Variants in TRAPPC9 observed in about 807,000 individuals in gnomAD.
TRAPPC9 encodes the protein trafficking protein particle complex subunit 9, also known as IKK2 binding protein.
In TRAPPC9, 83 loss-of-function variants were observed where a neutral mutation model predicts 124.0. The observed-to-expected ratio is 0.67, with a 90% CI of 0.56 to 0.80. The LOEUF is 0.80. Ranked by LOEUF, TRAPPC9 falls within the 30% of genes least tolerant of loss-of-function variation. TRAPPC9 has a pLI of 0.00. For missense variants in TRAPPC9, 1,302 were observed against 1,508.3 expected (o/e 0.86, Z 2.27); for synonymous variants, 638 against 617.5 (o/e 1.03, Z -0.49).
chr8:139,996,158 C>CAAAAAAAAAAAAAAAAAAAAAAAAAAAAA, intron 18 of TRAPPC9, among the ~76,000 whole-genome samples: 6 of 19,424 alleles, frequency 3.1e-4, no homozygotes, highest in Admixed American at 1.0e-3. Context: ...AAAACTTAAG[C>CAAAAAAAAAAAAAAAAAAAAAAAAAAAAA]AAAAAAAAAA....
chr8:140,377,439 C>T (rs771909292), intron 7 of TRAPPC9, among the ~76,000 whole-genome samples: 18 of 152,270 alleles, frequency 1.2e-4, no homozygotes, highest in Non-Finnish European at 2.5e-4. Flanking sequence ...GCTGTGATTA[C>T]AGGTGCCCGA....
chr8:140,035,643 ACGTTG>A (rs1249229382), intron 17 of TRAPPC9, among the ~76,000 whole-genome samples: 18 of 152,202 alleles, frequency 1.2e-4, no homozygotes, highest in Admixed American at 6.5e-5. Context: ...AAGGTGAGGT[ACGTTG>A]CTCCAGTTCC....
In TRAPPC9 at chr8:139,908,517, G is replaced by A. The variant is rs1831505110; in HGVS notation, c.2964+1630C>T. Reference sequence around the variant, plus strand: ...TAGACGCTGGGAGGTGAGTGCCAGGGGTCCCTCCTTTCCCCAGCCTGGCAG... The same window carrying A: ...TAGACGCTGGGAGGTGAGTGCCAGGAGTCCCTCCTTTCCCCAGCCTGGCAG... On this transcript the variant is annotated intron_variant, in intron 20 of 22. Coordinates refer to ENST00000438773, the MANE Select transcript of TRAPPC9 (RefSeq NM_001160372.4). The A allele has an allele frequency of 2.0e-5, 3 of 152,192 alleles. No homozygotes were observed. The East Asian group carries it at 5.8e-4, about 29-fold the overall frequency. 9.4% of individuals were successfully genotyped at this position (152,192 alleles called of 1,614,324 possible).
At chr8:140,073,438 A>C (rs939366961) in intron 17 of TRAPPC9, among the ~76,000 whole-genome samples, 43 of 152,352 alleles carry the variant, frequency 2.8e-4, no homozygotes, top group Admixed American at 2.4e-3. Flanking sequence ...CTGAGCAAAG[A>C]AGCAGGACAG....
chr8:139,871,261 G>C (rs1303824682), intron 21 of TRAPPC9, among the ~76,000 whole-genome samples: 1 of 152,190 alleles, frequency 6.6e-6, no homozygotes, highest in Non-Finnish European at 1.5e-5. Flanking sequence ...CCTTGGGTAG[G>C]CATAGGGCAT....
intron 9 of TRAPPC9, among the ~76,000 whole-genome samples, chr8:140,327,804 G>C (rs2066779188): frequency 1.3e-5 from 2 of 152,264 alleles, no homozygotes; most frequent in South Asian, 4.1e-4. Flanking sequence ...ATTCTGTTTG[G>C]AGTGACGAAA....
At chr8:139,968,449 C>A (rs1358314353) in intron 19 of TRAPPC9, among the ~76,000 whole-genome samples, 1 of 152,160 alleles carries the variant, frequency 6.6e-6, no homozygotes, top group Non-Finnish European at 1.5e-5. Flanking sequence ...ATGGTGGGGA[C>A]AAGGCCAGCA....
chr8:140,137,647 C>T (rs951155104), intron 17 of TRAPPC9, among the ~76,000 whole-genome samples: 4 of 152,332 alleles, frequency 2.6e-5, no homozygotes, highest in East Asian at 1.9e-4. Flanking sequence ...TTTAACTAGA[C>T]GTTCCACCAA....
chr8:139,977,963 G>A (rs1265285743), intron 19 of TRAPPC9, among the ~76,000 whole-genome samples: 1 of 152,058 alleles, frequency 6.6e-6, no homozygotes, highest in Non-Finnish European at 1.5e-5. Context: ...TTATGGGTGT[G>A]AGCCACCGCA....
At chr8:139,829,775 C>T (rs187320935) in intron 21 of TRAPPC9, among the ~76,000 whole-genome samples, 10 of 152,328 alleles carry the variant, frequency 6.6e-5, no homozygotes, top group Admixed American at 3.9e-4. Flanking sequence ...GACATCTGCT[C>T]CTTACTGTCT....
chr8:140,400,419 T>C (rs953423550), intron 6 of TRAPPC9, among the ~76,000 whole-genome samples: 9 of 152,232 alleles, frequency 5.9e-5, no homozygotes, highest in African/African-American at 2.2e-4. Flanking sequence ...TATCATCCCT[T>C]GTAGTACTCT....
intron 19 of TRAPPC9, chr8:139,932,385 C>T (rs1023067879): frequency 4.6e-5 from 21 of 457,804 alleles, no homozygotes; most frequent in Admixed American, 1.6e-4. Flanking sequence ...ATCAGAAGCA[C>T]GCTGGACCAC....
At chr8:140,012,463 G>A (rs1839201491) in intron 18 of TRAPPC9, among the ~76,000 whole-genome samples, 3 of 152,220 alleles carry the variant, frequency 2.0e-5, no homozygotes, top group Non-Finnish European at 4.4e-5. Flanking sequence ...GACCCCATGC[G>A]CTGCAGGCTT....
chr8:140,084,847 G>A (rs2130067643), intron 17 of TRAPPC9, among the ~76,000 whole-genome samples: 1 of 152,338 alleles, frequency 6.6e-6, no homozygotes, highest in South Asian at 2.1e-4. Flanking sequence ...ACAGGGCTAA[G>A]CTCTTGCCTG....
intron 9 of TRAPPC9, among the ~76,000 whole-genome samples, chr8:140,338,444 A>C (rs2067101564): frequency 6.6e-6 from 1 of 152,228 alleles, no homozygotes; most frequent in African/African-American, 2.4e-5. Context: ...TTAGGATGGG[A>C]CAGGACAGAC....
At chr8:139,854,146 C>G (rs543679709) in intron 21 of TRAPPC9, among the ~76,000 whole-genome samples, 1 of 152,280 alleles carries the variant, frequency 6.6e-6, no homozygotes, top group South Asian at 2.1e-4. Context: ...ATCTGATTAT[C>G]GGACCCTGGG....
intron 17 of TRAPPC9, among the ~76,000 whole-genome samples, chr8:140,039,596 T>A (rs1425476673): frequency 3.3e-5 from 5 of 152,222 alleles, no homozygotes; most frequent in African/African-American, 1.2e-4. Context: ...AGCCATGGAG[T>A]ACACTTGACT....
In TRAPPC9 at chr8:139,825,405, A is replaced by G. The variant is rs1216532767; in HGVS notation, c.3055+60474T>C. Among the ~76,000 whole-genome samples, 5 of 152,308 alleles carry G rather than the reference A, an allele frequency of 3.3e-5. No homozygotes were observed. The East Asian group carries it at 9.7e-4, about 29-fold the overall frequency. ...CCTGTCCATCCCATGGCTGTGCAGGATAAGGAATGACGGGCTGTGGGCCCA... is the reference window on the plus strand; with the variant it reads ...CCTGTCCATCCCATGGCTGTGCAGGGTAAGGAATGACGGGCTGTGGGCCCA... On this transcript the variant is annotated intron_variant, in intron 21 of 22. Coordinates refer to ENST00000438773, the MANE Select transcript of TRAPPC9 (RefSeq NM_001160372.4). This position sits in a 1 kb window ranked among gnomAD's most constrained non-coding sequence, Gnocchi z 4.6.
chr8:140,377,633 T>C (rs1157588224), intron 7 of TRAPPC9, among the ~76,000 whole-genome samples: 1 of 152,146 alleles, frequency 6.6e-6, no homozygotes, highest in Non-Finnish European at 1.5e-5. Flanking sequence ...CCATAAAATC[T>C]AGTCCCTCCA....
Sources: allele counts gnomAD v4.1 joint callset (sites outside exome capture counted in the v4.1 genomes callset), GRCh38; gene constraint gnomAD v4.1.1; non-coding constraint Gnocchi (gnomAD v3.1); transcripts MANE v1.5; gene names NCBI Gene and HGNC (gene_info 2026-07-23, HGNC 2026-07-21).